Variants in HHLA2 observed in about 807,000 individuals in gnomAD.
The protein encoded by HHLA2 is HERV-H LTR-associating protein 2.
HHLA2 carries 48 observed loss-of-function variants against 45.9 expected under a neutral mutation model. The observed-to-expected ratio is 1.05, with a 90% CI of 0.83 to 1.33. The LOEUF (loss-of-function observed/expected upper bound fraction) is 1.33. Among genes scored for constraint, HHLA2 ranks in the 40% most tolerant of loss-of-function variants. HHLA2 has a pLI of 0.00. For synonymous variants in HHLA2, 161 were observed against 173.9 expected (o/e 0.93, Z 0.59); for missense variants, 462 against 494.3 (o/e 0.93, Z 0.62).
intron 1 of HHLA2, among the ~76,000 whole-genome samples, chr3:108,307,086 C>T (rs1197178698): frequency 1.3e-5 from 2 of 151,850 alleles, no homozygotes; most frequent in African/African-American, 4.9e-5. Flanking sequence ...GAACTCCTGA[C>T]CTCAGGTGAC....
intron 3 of HHLA2, among the ~76,000 whole-genome samples, chr3:108,339,817 G>T (rs532459695): frequency 3.3e-5 from 5 of 152,114 alleles, no homozygotes; most frequent in Non-Finnish European, 7.3e-5. Context: ...CACTCCATTT[G>T]TTGGCCAGGG....
intron 1 of HHLA2, among the ~76,000 whole-genome samples, chr3:108,300,218 T>C (rs1369052466): frequency 6.6e-6 from 1 of 151,962 alleles, no homozygotes. Context: ...TGTGAGAAGA[T>C]GAGTAAGCAA....
intron 3 of HHLA2, among the ~76,000 whole-genome samples, chr3:108,332,763 T>C (rs1424422884): frequency 6.6e-6 from 1 of 152,164 alleles, no homozygotes; most frequent in African/African-American, 2.4e-5. Context: ...TGCAAAGATA[T>C]CAGGCTTCTA....
chr3:108,301,757 T>A (rs1401906507), intron 1 of HHLA2, among the ~76,000 whole-genome samples: 2 of 152,170 alleles, frequency 1.3e-5, no homozygotes, highest in Admixed American at 6.6e-5. Flanking sequence ...CTCAAGGTCA[T>A]CTTGCCTCCT....
exon 6 of HHLA2, chr3:108,355,225 A>T (rs1211382378): frequency 6.2e-7 from 1 of 1,613,914 alleles, no homozygotes; most frequent in South Asian, 1.1e-5. Context: ...AATGGACAAC[A>T]CACCTATCTC....
chr3:108,310,298 T>C (rs1417967784), intron 1 of HHLA2, among the ~76,000 whole-genome samples: 1 of 152,182 alleles, frequency 6.6e-6, no homozygotes, highest in Non-Finnish European at 1.5e-5. Flanking sequence ...AAAGCAATTA[T>C]ACATTTTACA....
chr3:108,320,795 A>G (rs1404948417), intron 2 of HHLA2, among the ~76,000 whole-genome samples: 1 of 152,100 alleles, frequency 6.6e-6, no homozygotes, highest in East Asian at 1.9e-4. Flanking sequence ...GTATATTCAG[A>G]GGGAGAGACC....
At chr3:108,347,915 G>C (rs537087412) in intron 3 of HHLA2, among the ~76,000 whole-genome samples, 1 of 152,212 alleles carries the variant, frequency 6.6e-6, no homozygotes, top group South Asian at 2.1e-4. Flanking sequence ...AGAAAGAACA[G>C]GATAGTTTCT....
At chr3:108,302,271 T>C (rs2080862619) in intron 1 of HHLA2, among the ~76,000 whole-genome samples, 1 of 152,190 alleles carries the variant, frequency 6.6e-6, no homozygotes, top group Non-Finnish European at 1.5e-5. Flanking sequence ...ATAACAGGTC[T>C]GAAATAGCAT....
chr3:108,352,181 A>T (rs1485812494), intron 4 of HHLA2, among the ~76,000 whole-genome samples: 2 of 151,742 alleles, frequency 1.3e-5, no homozygotes, highest in African/African-American at 4.8e-5. Flanking sequence ...GGTACTTACC[A>T]CTTGACAGAA....
chr3:108,375,843 G>A (rs770385048), intron 9 of HHLA2, 43 bp downstream of exon 8: 26 of 1,601,024 alleles, frequency 1.6e-5, no homozygotes, highest in African/African-American at 1.3e-5. Context: ...TCTGGTTCTG[G>A]AGGAGCAGTC....
At chr3:108,339,562 CATAT>C (rs59412444) in intron 3 of HHLA2, among the ~76,000 whole-genome samples, 4 of 150,794 alleles carry the variant, frequency 2.7e-5, no homozygotes, top group African/African-American at 9.7e-5. Flanking sequence ...GTATATAGCA[CATAT>C]ATATATATGT....
intron 1 of HHLA2, among the ~76,000 whole-genome samples, chr3:108,306,495 CCT>C (rs1179363143): frequency 7.2e-5 from 11 of 152,078 alleles, no homozygotes; most frequent in African/African-American, 2.7e-4. Context: ...TCGAGCTCTC[CCT>C]CTCTCTCCCT....
intron 3 of HHLA2, among the ~76,000 whole-genome samples, chr3:108,339,214 T>G (rs1468876245): frequency 6.6e-6 from 1 of 152,178 alleles, no homozygotes; most frequent in Non-Finnish European, 1.5e-5. Flanking sequence ...AGGAAATAAC[T>G]TTTTGGAACC....
chr3:108,360,363 A>C (rs1282973216), intron 7 of HHLA2, among the ~76,000 whole-genome samples: 2 of 152,322 alleles, frequency 1.3e-5, no homozygotes, highest in Admixed American at 1.3e-4. Flanking sequence ...ACAATTTTAC[A>C]GATAGAAGAT....
intron 3 of HHLA2, among the ~76,000 whole-genome samples, chr3:108,345,627 C>T (rs900280126): frequency 4.6e-5 from 7 of 152,168 alleles, no homozygotes; most frequent in African/African-American, 1.7e-4. Flanking sequence ...TCAACATGTC[C>T]TCTATTATGC....
chr3:108,358,736 C>CGA (rs1391906759), intron 7 of HHLA2, among the ~76,000 whole-genome samples: 2 of 152,186 alleles, frequency 1.3e-5, no homozygotes, highest in Non-Finnish European at 2.9e-5. Flanking sequence ...ATGAAGCTGA[C>CGA]CTTCTAGGTG....
exon 5 of HHLA2, chr3:108,353,617 T>A (rs2081827535): frequency 6.2e-7 from 1 of 1,613,652 alleles, no homozygotes; most frequent in Admixed American, 1.7e-5. Context: ...AAAGCCAAGA[T>A]CCCAGATATG....
intron 3 of HHLA2, among the ~76,000 whole-genome samples, chr3:108,337,072 G>C (rs116662625): frequency 3.7e-4 from 56 of 152,226 alleles, no homozygotes; most frequent in Admixed American, 1.6e-3. Flanking sequence ...ACTATTCAAA[G>C]TGGGGGGTCT....
Sources: allele counts gnomAD v4.1 joint callset (sites outside exome capture counted in the v4.1 genomes callset), GRCh38; gene constraint gnomAD v4.1.1; transcripts MANE v1.5; gene names NCBI Gene and HGNC (gene_info 2026-07-23, HGNC 2026-07-21).